The following ARHGAP15 variants were observed in gnomAD, a reference collection of about 807,000 sequenced individuals.
ARHGAP15 encodes rho GTPase-activating protein 15.
In ARHGAP15, 51 loss-of-function variants were observed where a neutral mutation model predicts 63.7. The ratio of observed to expected loss-of-function variants is 0.80; its 90% confidence interval spans 0.64 to 1.01. ARHGAP15 has a LOEUF of 1.01. ARHGAP15 is among the 50% of genes least tolerant of loss of function. ARHGAP15 has a pLI of 0.00. For missense variants in ARHGAP15, 560 were observed against 564.6 expected (o/e 0.99, Z 0.08); for synonymous variants, 191 against 193.8 (o/e 0.99, Z 0.12).
In ARHGAP15 at chr2:143,484,480, T is replaced by A. The variant is rs189931319; in HGVS notation, c.704-2893T>A. The stretch of plus-strand genomic sequence containing the variant: ...TTGGGAAGTGGAAGTTGCAGTGAGC[T>A]GAGATTGTGCCATTGCAACCCAGCC... On this transcript the variant is annotated intron_variant, in intron 8 of 13. Coordinates refer to ENST00000295095, the MANE Select transcript of ARHGAP15 (RefSeq NM_018460.4). Among the ~76,000 whole-genome samples, 45 of 152,238 alleles carry A rather than the reference T, an allele frequency of 3.0e-4. No individual in the cohort carries two copies. In the East Asian group the frequency reaches 8.5e-3, roughly 29 times the overall value.
intron 6 of ARHGAP15, among the ~76,000 whole-genome samples, chr2:143,322,248 G>A (rs897204566): frequency 1.3e-5 from 2 of 152,174 alleles, no homozygotes; most frequent in African/African-American, 4.8e-5. Flanking sequence ...CTGACTGATG[G>A]CACTTAGGAG....
chr2:143,147,310 A>G (rs1689631340), intron 1 of ARHGAP15, among the ~76,000 whole-genome samples: 1 of 151,984 alleles, frequency 6.6e-6, no homozygotes, highest in Non-Finnish European at 1.5e-5. Flanking sequence ...TTTCATCATC[A>G]ATGCCCTAAG....
intron 2 of ARHGAP15, among the ~76,000 whole-genome samples, chr2:143,162,658 C>T (rs1055646818): frequency 9.9e-5 from 15 of 152,032 alleles, no homozygotes; most frequent in African/African-American, 3.1e-4. Context: ...ACGCTGTGTG[C>T]CAGCAACTAT....
At chr2:143,748,132 G>A (rs1446226631) in intron 13 of ARHGAP15, among the ~76,000 whole-genome samples, 2 of 152,160 alleles carry the variant, frequency 1.3e-5, no homozygotes, top group African/African-American at 4.8e-5. Flanking sequence ...TCTACTAGAG[G>A]TCATGTCTTT....
chr2:143,134,179 T>C (rs1689039940), intron 1 of ARHGAP15, among the ~76,000 whole-genome samples: 1 of 90,564 alleles, frequency 1.1e-5, no homozygotes. Flanking sequence ...TCTATCTATC[T>C]ATCATCTATC....
intron 12 of ARHGAP15, among the ~76,000 whole-genome samples, chr2:143,657,049 T>C (rs987301898): frequency 1.3e-5 from 2 of 151,946 alleles, no homozygotes; most frequent in African/African-American, 4.8e-5. Context: ...TCAAATACTT[T>C]AAAAAAGCTA....
intron 4 of ARHGAP15, among the ~76,000 whole-genome samples, chr2:143,217,029 C>T (rs1178969079): frequency 6.6e-6 from 1 of 152,064 alleles, no homozygotes; most frequent in Non-Finnish European, 1.5e-5. Flanking sequence ...GAAATAATCA[C>T]CTCCATTTTA....
intron 6 of ARHGAP15, chr2:143,314,368 C>T (rs1683598320): frequency 6.6e-6 from 1 of 152,000 alleles, no homozygotes; most frequent in South Asian, 2.1e-4. Context: ...TTATCAGGAC[C>T]AGATAGTTAT....
At position 143,712,184 on chromosome 2, in the gene ARHGAP15, G is replaced by A. The variant is rs146464006; in HGVS notation, c.1244+8660G>A. On this transcript the variant is annotated intron_variant, in intron 13 of 13. Transcript: ENST00000295095. ...GATGGATACAAGAGGCATTGAAGCAGTAGATGCAACAGAACATGTGCACCA... is the reference window on the plus strand; with the variant it reads ...GATGGATACAAGAGGCATTGAAGCAATAGATGCAACAGAACATGTGCACCA... Among the ~76,000 whole-genome samples, 12 of 152,266 alleles carry A rather than the reference G, an allele frequency of 7.9e-5. No individual in the cohort carries two copies. In the East Asian group the frequency reaches 2.3e-3, roughly 29 times the overall value.
At chr2:143,202,818 C>G (rs1006344977) in intron 3 of ARHGAP15, among the ~76,000 whole-genome samples, 4 of 152,000 alleles carry the variant, frequency 2.6e-5, no homozygotes, top group Admixed American at 1.3e-4. Flanking sequence ...GACTCAACAT[C>G]CGTAAGAATG....
At chr2:143,454,254 A>G (rs1359874140) in intron 8 of ARHGAP15, among the ~76,000 whole-genome samples, 1 of 151,834 alleles carries the variant, frequency 6.6e-6, no homozygotes, top group East Asian at 1.9e-4. Context: ...TCCTTTTTCT[A>G]CTCCATCTTT....
At chr2:143,584,601 G>A (rs1697035133) in intron 11 of ARHGAP15, among the ~76,000 whole-genome samples, 2 of 151,972 alleles carry the variant, frequency 1.3e-5, no homozygotes, top group Non-Finnish European at 2.9e-5. Context: ...ACTCAAGTCT[G>A]GGCAACAGAA....
At chr2:143,542,696 CAT>C (rs1221450386) in intron 10 of ARHGAP15, among the ~76,000 whole-genome samples, 2 of 136,042 alleles carry the variant, frequency 1.5e-5, no homozygotes, top group South Asian at 2.2e-4. Context: ...TATAGTATCA[CAT>C]ATATAATATA....
chr2:143,647,032 A>G (rs956548008), intron 12 of ARHGAP15, among the ~76,000 whole-genome samples: 5 of 152,060 alleles, frequency 3.3e-5, no homozygotes, highest in African/African-American at 1.2e-4. Context: ...TGGTCAAAAG[A>G]TCACAAAAAA....
intron 6 of ARHGAP15, among the ~76,000 whole-genome samples, chr2:143,400,764 C>T (rs1687957342): frequency 6.6e-6 from 1 of 152,022 alleles, no homozygotes; most frequent in Non-Finnish European, 1.5e-5. Context: ...GTTAAGATGA[C>T]ATATAGTAGA....
At chr2:143,746,801 T>A (rs1686182404) in intron 13 of ARHGAP15, among the ~76,000 whole-genome samples, 1 of 152,200 alleles carries the variant, frequency 6.6e-6, no homozygotes, top group Non-Finnish European at 1.5e-5. Flanking sequence ...AAGCAAGTGA[T>A]CAGAATATGA....
chr2:143,289,242 A>G (rs1682270367), intron 6 of ARHGAP15, among the ~76,000 whole-genome samples: 1 of 152,196 alleles, frequency 6.6e-6, no homozygotes, highest in South Asian at 2.1e-4. Flanking sequence ...GATCTGGGCT[A>G]TGACAAACCA....
intron 6 of ARHGAP15, among the ~76,000 whole-genome samples, chr2:143,382,979 A>C (rs1254986333): frequency 6.6e-6 from 1 of 152,188 alleles, no homozygotes; most frequent in Non-Finnish European, 1.5e-5. Flanking sequence ...AAAAACTATC[A>C]AGCATTGTGA....
intron 6 of ARHGAP15, among the ~76,000 whole-genome samples, chr2:143,313,168 AAAACTT>A (rs1683527584): frequency 6.6e-6 from 1 of 152,182 alleles, no homozygotes. Flanking sequence ...GAAAAAAAGA[AAAACTT>A]AGCTTGGGTA....
Sources: gnomAD v4.1 joint callset for allele counts (sites outside exome capture counted in the v4.1 genomes callset) on GRCh38, gnomAD v4.1.1 for gene constraint, MANE v1.5 for transcripts, NCBI Gene and HGNC (gene_info 2026-07-23, HGNC 2026-07-21) for gene names.